PLA2G4A: variants seen among roughly 807,000 people sequenced by gnomAD.
PLA2G4A encodes phospholipase A2 group IVA, also known as cytosolic phospholipase A2.
PLA2G4A carries 40 observed loss-of-function variants against 81.9 expected under a neutral mutation model. The observed-to-expected ratio is 0.49, with a 90% CI of 0.38 to 0.64. The LOEUF is 0.64. PLA2G4A is among the 30% of genes least tolerant of loss of function. PLA2G4A has a pLI of 0.00. For missense variants in PLA2G4A, 715 were observed against 905.1 expected (o/e 0.79, Z 2.69); for synonymous variants, 302 against 296.9 (o/e 1.02, Z -0.18).
At chr1:186,865,469 A>C (rs1219515816) in intron 2 of PLA2G4A, among the ~76,000 whole-genome samples, 1 of 152,184 alleles carries the variant, frequency 6.6e-6, no homozygotes, top group Non-Finnish European at 1.5e-5. Context: ...ATCTTACCAA[A>C]AAAACCTCAG....
intron 1 of PLA2G4A, among the ~76,000 whole-genome samples, chr1:186,851,603 T>C (rs1271864539): frequency 6.6e-6 from 1 of 151,972 alleles, no homozygotes; most frequent in African/African-American, 2.4e-5. Flanking sequence ...TTAAAAATGT[T>C]GTAATAGAAA....
Position 186,893,026 on chromosome 1 carries a change from C to G in PLA2G4A, c.131C>G (p.Pro44Arg). ...CTATCTGTAGTTGATACTCCAGATC[C>G]CTATGTGGAACTTTTTATCTCTACA... is the stretch of plus-strand genomic sequence containing the variant. ...AFGDMLDTPD[P>R]YVELFISTTP... The change falls in exon 4 of 18, where the codon CCC becomes CGC. Residue 44 changes from proline (P) to arginine (R), a missense_variant. Physicochemically the swap from Pro to Arg is moderately radical, Grantham distance 103. Coordinates refer to ENST00000367466, the MANE Select transcript of PLA2G4A (RefSeq NM_024420.3). 2.5e-6 allele frequency: 4 copies of G among 1,609,662 alleles called. No individual in the cohort carries two copies. Among genetic ancestry groups the G allele is most frequent in the Non-Finnish European group, 3.4e-6 (4 of 1,176,022 alleles).
Position 186,956,044 on chromosome 1 carries a change from G to T in PLA2G4A, c.1337-58G>T, listed in dbSNP as rs1656739176. ...CGTGAGCCACCGTGCCCAGCCCAAA[G>T]ATCCCTTTTTAAACATGTATTTTGG... On this transcript the variant is annotated intron_variant, in intron 13 of 17. Coordinates refer to ENST00000367466, the MANE Select transcript of PLA2G4A (RefSeq NM_024420.3). The T allele has an allele frequency of 3.3e-6, 5 of 1,537,792 alleles. No homozygotes were observed. The Admixed American group carries it at 6.7e-5, about 21-fold the overall frequency.
intron 2 of PLA2G4A, among the ~76,000 whole-genome samples, chr1:186,867,379 A>T (rs1653071011): frequency 6.6e-6 from 1 of 152,134 alleles, no homozygotes; most frequent in Non-Finnish European, 1.5e-5. Context: ...GATTTATTTC[A>T]TATGAATTTT....
intron 12 of PLA2G4A, among the ~76,000 whole-genome samples, chr1:186,949,163 G>A (rs1009420378): frequency 1.3e-5 from 2 of 151,886 alleles, no homozygotes; most frequent in Admixed American, 6.6e-5. Flanking sequence ...ATTCAGAATA[G>A]TTAGCTATTC....
intron 12 of PLA2G4A, among the ~76,000 whole-genome samples, chr1:186,947,674 C>T (rs1656393034): frequency 6.6e-6 from 1 of 152,096 alleles, no homozygotes; most frequent in Non-Finnish European, 1.5e-5. Flanking sequence ...TTTTAATCAA[C>T]ATTAATTTTT....
chr1:186,929,472 A>C (rs1655663077), intron 7 of PLA2G4A, among the ~76,000 whole-genome samples: 1 of 152,188 alleles, frequency 6.6e-6, no homozygotes, highest in East Asian at 1.9e-4. Context: ...GTGTTACAGA[A>C]TCTAGAATGT....
intron 7 of PLA2G4A, among the ~76,000 whole-genome samples, chr1:186,924,257 C>T (rs929667801): frequency 2.6e-5 from 4 of 152,164 alleles, no homozygotes; most frequent in African/African-American, 7.2e-5. Context: ...TTCTCTCCTC[C>T]CTTCTGCTCT....
chr1:186,948,311 C>T (rs752185425), intron 12 of PLA2G4A, among the ~76,000 whole-genome samples: 1 of 152,064 alleles, frequency 6.6e-6, no homozygotes, highest in African/African-American at 2.4e-5. Context: ...AGTTAATGAG[C>T]AAACAAGGTA....
At chr1:186,836,797 T>A (rs1288880214) in intron 1 of PLA2G4A, among the ~76,000 whole-genome samples, 3 of 152,234 alleles carry the variant, frequency 2.0e-5, no homozygotes. Flanking sequence ...GTTCATTCCG[T>A]CTTAGTGGAG....
chr1:186,939,137 T>C lies in PLA2G4A; in HGVS notation c.825T>C (p.Tyr275=). ...LLLTPQKVKR[Y]VESLWKKKSS... ...TCACACCACAGAAAGTTAAAAGATA[T>C]GTTGAGTCTTTATGGAAGAAGAAAA... Residue 275 remains tyrosine, a synonymous_variant, in exon 9 of 18, where the codon TAT becomes TAC. Transcript: ENST00000367466. 1.9e-6 allele frequency: 3 copies of C among 1,609,298 alleles called. No individual in the cohort carries two copies. The highest frequency in any genetic ancestry group is 2.6e-6 in the Non-Finnish European group (3 of 1,175,732).
At chr1:186,970,925 T>A (rs923255754) in intron 15 of PLA2G4A, among the ~76,000 whole-genome samples, 1 of 152,002 alleles carries the variant, frequency 6.6e-6, no homozygotes, top group Admixed American at 6.6e-5. Flanking sequence ...TTAGGATTTT[T>A]TTTTTCTATT....
chr1:186,970,875 G>T (rs138548224), intron 15 of PLA2G4A, among the ~76,000 whole-genome samples: 147 of 151,812 alleles, frequency 9.7e-4, no homozygotes, highest in Non-Finnish European at 1.7e-3. Context: ...GCTCAGGATT[G>T]CTTTGGTTAT....
chr1:186,843,703 A>G (rs533013588), intron 1 of PLA2G4A, among the ~76,000 whole-genome samples: 1 of 152,204 alleles, frequency 6.6e-6, no homozygotes, highest in Non-Finnish European at 1.5e-5. Context: ...AGGTGTGGGT[A>G]AGGAAAGCAC....
Position 186,881,383 on chromosome 1 carries a change from C to A in PLA2G4A, c.115+10867C>A, listed in dbSNP as rs573060887. On this transcript the variant is annotated intron_variant, in intron 3 of 17. Transcript: ENST00000367466. ...GGCAATGCTCAAGTTGTTGTAAAAT[C>A]TTTACTCCTTTCTCCCCACAGAATT... 1.3e-4 allele frequency among the ~76,000 whole-genome samples: 20 copies of A among 152,166 alleles called. No homozygotes were observed. In the South Asian group the frequency reaches 3.9e-3, roughly 30 times the overall value.
intron 1 of PLA2G4A, among the ~76,000 whole-genome samples, chr1:186,840,560 G>C (rs1651945637): frequency 6.6e-6 from 1 of 152,094 alleles, no homozygotes; most frequent in Non-Finnish European, 1.5e-5. Flanking sequence ...TGATGATATA[G>C]TTTATCATCA....
At chr1:186,887,429 T>C (rs1000300461) in intron 3 of PLA2G4A, among the ~76,000 whole-genome samples, 1 of 152,168 alleles carries the variant, frequency 6.6e-6, no homozygotes, top group African/African-American at 2.4e-5. Flanking sequence ...TGAAGTTTAG[T>C]AGTAAGTTTT....
intron 3 of PLA2G4A, chr1:186,870,822 A>G (rs1653239650): frequency 1.1e-6 from 1 of 890,112 alleles, no homozygotes; most frequent in Non-Finnish European, 1.8e-6. Context: ...TCCTTGACAA[A>G]TCAGAGGTTC....
intron 17 of PLA2G4A, among the ~76,000 whole-genome samples, chr1:186,985,661 C>G (rs1415264551): frequency 2.6e-5 from 4 of 152,016 alleles, no homozygotes; most frequent in Non-Finnish European, 5.9e-5. Flanking sequence ...TTCTTATTCT[C>G]TGCTTTCATT....
Sources: allele counts gnomAD v4.1 joint callset (sites outside exome capture counted in the v4.1 genomes callset), GRCh38; gene constraint gnomAD v4.1.1; transcripts MANE v1.5; gene names NCBI Gene and HGNC (gene_info 2026-07-23, HGNC 2026-07-21).